Variants in ARNT2 observed in about 807,000 individuals in gnomAD.
The protein encoded by ARNT2 is ARNT protein 2.
ARNT2 carries 36 observed loss-of-function variants against 91.7 expected under a neutral mutation model. The observed-to-expected ratio is 0.39, with a 90% CI of 0.30 to 0.52. The LOEUF (loss-of-function observed/expected upper bound fraction) is 0.52. Ranked by LOEUF, ARNT2 falls within the 20% of genes least tolerant of loss-of-function variation. The pLI, the probability that ARNT2 is intolerant of heterozygous loss-of-function variation, is 0.72. For synonymous variants in ARNT2, 365 were observed against 347.1 expected, an observed-to-expected ratio of 1.05 and a Z score of -0.57; for missense variants, 775 against 939.3, an observed-to-expected ratio of 0.83 and a Z score of 2.29.
intron 1 of ARNT2, among the ~76,000 whole-genome samples, chr15:80,435,503 C>A (rs539365622): frequency 6.6e-6 from 1 of 152,290 alleles, no homozygotes; most frequent in East Asian, 1.9e-4. Flanking sequence ...CTTTCCCACC[C>A]CTTCCCATAG....
At chr15:80,490,839 G>A (rs1394617845) in intron 5 of ARNT2, among the ~76,000 whole-genome samples, 2 of 152,254 alleles carry the variant, frequency 1.3e-5, no homozygotes, top group Non-Finnish European at 2.9e-5. Flanking sequence ...GCATCATGGA[G>A]CTTTACCCCA....
intron 1 of ARNT2, among the ~76,000 whole-genome samples, chr15:80,443,468 G>A (rs543986001): frequency 3.3e-5 from 5 of 152,192 alleles, no homozygotes; most frequent in East Asian, 1.9e-4. Flanking sequence ...GCGTCCTGAG[G>A]CAGGCCAGCA....
chr15:80,503,824 T>C (rs1425622109), intron 5 of ARNT2, among the ~76,000 whole-genome samples: 1 of 152,224 alleles, frequency 6.6e-6, no homozygotes. Context: ...CTACACATCC[T>C]GCTTAAAGAT....
intron 8 of ARNT2, among the ~76,000 whole-genome samples, chr15:80,525,808 C>T (rs964304459): frequency 1.3e-5 from 2 of 152,190 alleles, no homozygotes; most frequent in Non-Finnish European, 2.9e-5. Flanking sequence ...CCTCAATGAT[C>T]GGATGATGCC....
In ARNT2 at chr15:80,404,571, G is replaced by A. The variant is rs1252007077; in HGVS notation, c.31+25G>A. The A allele has an allele frequency of 4.6e-6, 5 of 1,081,738 alleles. No homozygotes were observed. Among genetic ancestry groups the A allele is most frequent in the South Asian group, 3.0e-5 (1 of 33,786 alleles). The allele number at this position is 1,081,738 out of a possible 1,614,324, so 67.0% of individuals were successfully genotyped here. A position where few individuals can be genotyped will look rare whatever the true frequency, so the allele number is the denominator to read the frequency against. On this transcript the variant is annotated intron_variant, in intron 1 of 18. Coordinates refer to ENST00000303329, the MANE Select transcript of ARNT2 (RefSeq NM_014862.4). The surrounding 1 kb of genome is among the most constrained non-coding windows in gnomAD (Gnocchi z 5.5). ...GGTGAGTAGCGGCCTGGGCCCCGCC[G>A]CCCGCCGCAGCCCGCAGGCCTTGCC...
intron 5 of ARNT2, among the ~76,000 whole-genome samples, chr15:80,479,971 A>C (rs1221254833): frequency 1.3e-5 from 2 of 151,988 alleles, no homozygotes; most frequent in Non-Finnish European, 2.9e-5. Flanking sequence ...GCAGGCAGGC[A>C]CTGGCTGGCT....
At chr15:80,547,352 G>A (rs1027955779) in intron 8 of ARNT2, among the ~76,000 whole-genome samples, 1 of 152,132 alleles carries the variant, frequency 6.6e-6, no homozygotes, top group Admixed American at 6.5e-5. Flanking sequence ...ATTTAAAAAT[G>A]TTTAAATGCC....
intron 1 of ARNT2, among the ~76,000 whole-genome samples, chr15:80,446,696 T>C (rs908727787): frequency 2.6e-5 from 4 of 152,242 alleles, no homozygotes; most frequent in Non-Finnish European, 4.4e-5. Context: ...ATTTACTTTA[T>C]AGGGTGGATG....
intron 3 of ARNT2, among the ~76,000 whole-genome samples, chr15:80,465,954 G>T (rs908624791): frequency 8.5e-5 from 13 of 152,254 alleles, no homozygotes; most frequent in African/African-American, 3.1e-4. Flanking sequence ...CTGCTTTTCC[G>T]TGGGCTCTCT....
At chr15:80,550,331 A>G (rs937041780) in intron 8 of ARNT2, among the ~76,000 whole-genome samples, 4 of 152,172 alleles carry the variant, frequency 2.6e-5, no homozygotes, top group African/African-American at 9.7e-5. Flanking sequence ...GCTCTTATCA[A>G]TGTCTGGAGT....
At chr15:80,580,360 T>TGGG (rs763180265) in intron 15 of ARNT2, 51 bp from the exon 16 acceptor site, 1 of 1,608,598 alleles carries the variant, frequency 6.2e-7, no homozygotes, top group Non-Finnish European at 8.5e-7. Flanking sequence ...GCACGTAGAC[T>TGGG]CATGCAAACC....
chr15:80,452,294 G>A (rs912635598), intron 2 of ARNT2, among the ~76,000 whole-genome samples: 1 of 152,210 alleles, frequency 6.6e-6, no homozygotes, highest in Admixed American at 6.5e-5. Flanking sequence ...GCTGGGTGCT[G>A]ATACAGCCAC....
At chr15:80,577,883 T>C (rs779889423) in intron 15 of ARNT2, among the ~76,000 whole-genome samples, 1 of 152,228 alleles carries the variant, frequency 6.6e-6, no homozygotes, top group East Asian at 1.9e-4. Context: ...CACACTGCTC[T>C]GAGGCTCTGG....
chr15:80,535,841 G>A (rs1483010444), intron 8 of ARNT2, among the ~76,000 whole-genome samples: 3 of 151,828 alleles, frequency 2.0e-5, no homozygotes, highest in Non-Finnish European at 2.9e-5. Context: ...AGATGTCCTC[G>A]GGGCTTTTCC....
At chr15:80,584,878 G>A (rs1898865749) in intron 17 of ARNT2, among the ~76,000 whole-genome samples, 1 of 152,246 alleles carries the variant, frequency 6.6e-6, no homozygotes. Flanking sequence ...GATTTGGAAT[G>A]CCTGCTGAGC....
At chr15:80,488,166 T>C (rs1288305873) in intron 5 of ARNT2, among the ~76,000 whole-genome samples, 1 of 152,156 alleles carries the variant, frequency 6.6e-6, no homozygotes, top group African/African-American at 2.4e-5. Context: ...GTCTGCAGGA[T>C]CCAGGCCTTT....
At chr15:80,405,349 C>T (rs1401329638) in intron 1 of ARNT2, among the ~76,000 whole-genome samples, 1 of 152,128 alleles carries the variant, frequency 6.6e-6, no homozygotes, top group African/African-American at 2.4e-5. Context: ...AACATCTAAG[C>T]TAGTACAAAC....
intron 8 of ARNT2, among the ~76,000 whole-genome samples, chr15:80,547,216 C>A (rs778132108): frequency 3.9e-5 from 6 of 152,076 alleles, no homozygotes; most frequent in African/African-American, 1.4e-4. Context: ...TCAACATTTG[C>A]GCTGATGGCG....
intron 6 of ARNT2, 31 bp downstream of exon 6, chr15:80,508,289 G>A (rs1329353093): frequency 6.8e-6 from 11 of 1,609,926 alleles, no homozygotes; most frequent in Admixed American, 1.7e-5. Flanking sequence ...AGGCCATCAG[G>A]TGGTTGGTTT....
Sources: gnomAD v4.1 joint callset for allele counts (sites outside exome capture counted in the v4.1 genomes callset) on GRCh38, gnomAD v4.1.1 for gene constraint, Gnocchi (gnomAD v3.1) non-coding constraint, MANE v1.5 for transcripts, NCBI Gene and HGNC (gene_info 2026-07-23, HGNC 2026-07-21) for gene names.